FAM13A: variants seen among roughly 807,000 people sequenced by gnomAD.
FAM13A encodes family with sequence similarity 13 member A, also known as protein FAM13A.
In FAM13A, 76 loss-of-function variants were observed where a neutral mutation model predicts 129.6. That is an observed-to-expected ratio of 0.59 (90% CI 0.49 to 0.71). FAM13A has a LOEUF of 0.71. FAM13A is among the 30% of genes least tolerant of loss of function. The probability of loss-of-function intolerance (pLI) is 0.00; values close to 1 mark genes in which losing one functional copy is unlikely to be tolerated. For synonymous variants in FAM13A, 443 were observed against 449.9 expected (o/e 0.98, Z 0.20); for missense variants, 1,108 against 1,249.3 (o/e 0.89, Z 1.70).
At chr4:88,963,040 CTT>C (rs1379164468) in intron 4 of FAM13A, among the ~76,000 whole-genome samples, 6 of 151,930 alleles carry the variant, frequency 3.9e-5, no homozygotes, top group Non-Finnish European at 8.8e-5. Context: ...CACTAGGTGA[CTT>C]TTACTTTTTT....
Position 88,787,802 on chromosome 4 carries a change from G to A in FAM13A, c.1222C>T (p.Arg408Cys), listed in dbSNP as rs371982496. ...TCCTGCTCCTTGGACTGGCGGCGGC[G>A]CTGTCTGGCAGATGTGGCAGAAGAT... ...SASSATSARQ[R>C]RRQSKEQDEV... Residue 408 changes from arginine to cysteine, a missense_variant, in exon 10 of 24, where the codon CGC becomes TGC. Arg to Cys is a radical substitution (Grantham distance 180). Coordinates refer to ENST00000264344, the MANE Select transcript of FAM13A (RefSeq NM_014883.4). The A allele has an allele frequency of 2.5e-6, 4 of 1,613,446 alleles. No individual in the cohort carries two copies. Among genetic ancestry groups the A allele is most frequent in the Non-Finnish European group, 3.4e-6 (4 of 1,179,696 alleles).
chr4:88,895,331 A>C (rs908803620), intron 6 of FAM13A, among the ~76,000 whole-genome samples: 4 of 152,188 alleles, frequency 2.6e-5, no homozygotes, highest in Non-Finnish European at 5.9e-5. Context: ...ATGCCCATCA[A>C]CACTGATTTT....
intron 6 of FAM13A, among the ~76,000 whole-genome samples, chr4:88,856,653 A>C (rs1738559713): frequency 6.6e-6 from 1 of 152,240 alleles, no homozygotes; most frequent in African/African-American, 2.4e-5. Flanking sequence ...AATGATTATG[A>C]AAGATTGAGA....
chr4:89,037,742 T>TG (rs1170178192), intron 1 of FAM13A, among the ~76,000 whole-genome samples: 2 of 152,124 alleles, frequency 1.3e-5, no homozygotes, highest in Non-Finnish European at 2.9e-5. Flanking sequence ...GTAATTAGAC[T>TG]GGGGGGTGGA....
chr4:88,961,914 G>A (rs1212526659), intron 4 of FAM13A, among the ~76,000 whole-genome samples: 3 of 151,930 alleles, frequency 2.0e-5, no homozygotes, highest in Non-Finnish European at 2.9e-5. Flanking sequence ...GCCATGGAAA[G>A]TGAATGGGGA....
At chr4:88,770,436 C>T (rs913731371) in intron 11 of FAM13A, among the ~76,000 whole-genome samples, 4 of 152,274 alleles carry the variant, frequency 2.6e-5, no homozygotes, top group Non-Finnish European at 5.9e-5. Flanking sequence ...CTTCAGATCA[C>T]TTCACAACAG....
At chr4:89,055,821 C>T (rs1257026638) in intron 1 of FAM13A, among the ~76,000 whole-genome samples, 1 of 152,150 alleles carries the variant, frequency 6.6e-6, no homozygotes, top group East Asian at 1.9e-4. Context: ...ATACATGGTG[C>T]TGAAAAGTTT....
At chr4:88,933,471 C>T (rs1387988551) in intron 5 of FAM13A, among the ~76,000 whole-genome samples, 1 of 152,050 alleles carries the variant, frequency 6.6e-6, no homozygotes, top group African/African-American at 2.4e-5. Flanking sequence ...TTTCTCTTCT[C>T]CTTCACTTTA....
At chr4:88,772,443 G>A (rs1018366285) in intron 11 of FAM13A, among the ~76,000 whole-genome samples, 8 of 152,146 alleles carry the variant, frequency 5.3e-5, no homozygotes, top group African/African-American at 1.9e-4. Context: ...TAGATGTCCA[G>A]CAACAATACA....
chr4:88,872,752 A>G (rs1561215525), intron 6 of FAM13A, among the ~76,000 whole-genome samples: 1 of 152,220 alleles, frequency 6.6e-6, no homozygotes, highest in Non-Finnish European at 1.5e-5. Flanking sequence ...TAAAAAGGAT[A>G]TCCAGGACTT....
chr4:88,744,008 ACT>A (rs148880251), intron 19 of FAM13A, among the ~76,000 whole-genome samples: 3,477 of 152,222 alleles, frequency 0.023, 51 homozygotes, highest in Non-Finnish European at 0.035. Context: ...AAAAATGGCA[ACT>A]CTGTCTTCAT....
chr4:88,772,727 T>C (rs1720928866), intron 11 of FAM13A, among the ~76,000 whole-genome samples: 1 of 152,194 alleles, frequency 6.6e-6, no homozygotes, highest in Non-Finnish European at 1.5e-5. Context: ...AGCTTACAAT[T>C]GGGTAAAATC....
intron 5 of FAM13A, among the ~76,000 whole-genome samples, chr4:88,924,934 G>T (rs1333056264): frequency 7.9e-5 from 12 of 151,658 alleles, no homozygotes; most frequent in Non-Finnish European, 1.8e-4. Flanking sequence ...CATTTATGCA[G>T]CCAAAAGACA....
At chr4:88,925,795 G>A (rs939190425) in intron 5 of FAM13A, among the ~76,000 whole-genome samples, 6 of 151,182 alleles carry the variant, frequency 4.0e-5, no homozygotes, top group Non-Finnish European at 5.9e-5. Context: ...ACAATGCAAC[G>A]TGAGAGGAAA....
intron 11 of FAM13A, among the ~76,000 whole-genome samples, chr4:88,778,220 G>A (rs999028840): frequency 6.6e-6 from 1 of 152,154 alleles, no homozygotes; most frequent in Middle Eastern, 3.2e-3. Flanking sequence ...TCTCTTAGAT[G>A]TCTAATGGGC....
At chr4:89,036,406 A>C (rs1482898690) in intron 1 of FAM13A, among the ~76,000 whole-genome samples, 1 of 152,224 alleles carries the variant, frequency 6.6e-6, no homozygotes, top group East Asian at 1.9e-4. Flanking sequence ...TCGAGATTTG[A>C]CCTGGCTGCT....
At chr4:88,755,185 A>G (rs1318526679) in intron 14 of FAM13A, among the ~76,000 whole-genome samples, 2 of 152,236 alleles carry the variant, frequency 1.3e-5, no homozygotes, top group Non-Finnish European at 2.9e-5. Context: ...AGTAATACCA[A>G]TTCCTCTTGT....
At chr4:88,854,097 G>A (rs779039487) in intron 6 of FAM13A, among the ~76,000 whole-genome samples, 8 of 152,182 alleles carry the variant, frequency 5.3e-5, no homozygotes, top group Middle Eastern at 3.2e-3. Context: ...CCTTGTGATC[G>A]TGTGAGTCAA....
chr4:89,028,050 CAA>C (rs35334263), intron 2 of FAM13A, among the ~76,000 whole-genome samples: 1,593 of 139,414 alleles, frequency 0.011, 50 homozygotes, highest in Admixed American at 0.065. Context: ...ACTAATAATA[CAA>C]AAAAAAAAAA....
Sources: gnomAD v4.1 joint callset for allele counts (sites outside exome capture counted in the v4.1 genomes callset) on GRCh38, gnomAD v4.1.1 for gene constraint, MANE v1.5 for transcripts, NCBI Gene and HGNC (gene_info 2026-07-23, HGNC 2026-07-21) for gene names.